The following HYAL3 variants were observed in gnomAD, a reference collection of about 807,000 sequenced individuals.
The protein encoded by HYAL3 is hyaluronidase-3.
In HYAL3, 25 loss-of-function variants were observed where a neutral mutation model predicts 29.6. The observed-to-expected ratio is 0.85, with a 90% CI of 0.62 to 1.18. The LOEUF (loss-of-function observed/expected upper bound fraction) is 1.18. Among genes scored for constraint, HYAL3 ranks in the 50% most tolerant of loss-of-function variants. The pLI is 0.00. For synonymous variants in HYAL3, 215 were observed against 218.3 expected, an observed-to-expected ratio of 0.99 and a Z score of 0.13; for missense variants, 442 against 548.4, an observed-to-expected ratio of 0.81 and a Z score of 1.94.
At chr3:50,296,249 T>C (rs1701834555) in intron 1 of HYAL3, among the ~76,000 whole-genome samples, 1 of 152,194 alleles carries the variant, frequency 6.6e-6, no homozygotes, top group African/African-American at 2.4e-5. Context: ...CCCTGTCTCC[T>C]GAGCCAGGTG....
chr3:50,295,192 C>G lies in HYAL3; in HGVS notation c.411G>C (p.Gly137=), dbSNP rs1159170681. 6.2e-7 allele frequency: 1 copy of G among 1,613,416 alleles called. No individual in the cohort carries two copies. Among genetic ancestry groups the G allele is most frequent in the East Asian group, 2.2e-5 (1 of 44,884 alleles). Residue 137 remains glycine, a synonymous_variant, in exon 2 of 4, where the codon GGG becomes GGC. Coordinates refer to ENST00000336307, the MANE Select transcript of HYAL3 (RefSeq NM_003549.4). ...GATAAGCTCGGCGGCGGCCCCAGTT[C>G]CCAGCCCAGAGTGGACACCACTCCT... ...DWEEWCPLWA[G]NWGRRRAYQA...
At position 50,297,258 on chromosome 3, in the gene HYAL3, G is replaced by A. The variant is rs1258733951; in HGVS notation, c.-17-1639C>T. ...GTCAGCACAAGCATCCAGGAGCTCGGGTCGGCGGTGCACAGGCTCCAGGGT... is the reference window on the plus strand; with the variant it reads ...GTCAGCACAAGCATCCAGGAGCTCGAGTCGGCGGTGCACAGGCTCCAGGGT... On this transcript the variant is annotated intron_variant, in intron 1 of 3. Transcript: ENST00000336307. The surrounding 1 kb of genome is among the most constrained non-coding windows in gnomAD (Gnocchi z 4.3). The A allele has an allele frequency of 1.3e-5, 21 of 1,610,082 alleles. No individual in the cohort carries two copies. Among genetic ancestry groups the A allele is most frequent in the Middle Eastern group, 1.6e-4 (1 of 6,062 alleles).
chr3:50,295,687 A>G (rs1433938315), intron 1 of HYAL3, 68 bp from the exon 2 acceptor site: 3 of 1,316,424 alleles, frequency 2.3e-6, no homozygotes, highest in African/African-American at 1.5e-5. Context: ...ATGGCAGGGA[A>G]AGCCAGGAAA....
chr3:50,296,957 G>A, intron 1 of HYAL3: 1 of 1,601,880 alleles, frequency 6.2e-7, no homozygotes. Flanking sequence ...GCAGCTTGCG[G>A]AAGCCCCGGG....
At chr3:50,296,948 C>T (rs1240771526) in intron 1 of HYAL3, 4 of 1,604,846 alleles carry the variant, frequency 2.5e-6, no homozygotes, top group Non-Finnish European at 3.4e-6. Flanking sequence ...TGGTGAGATG[C>T]AGCTTGCGGA....
chr3:50,299,206 T>A lies in HYAL3; in HGVS notation c.-18+7A>T. ...CAGGCAGCAAATGGGAAGGGTGCGG[T>A]ACTGACATGTTGATGCTGGCCTCTG... On this transcript the variant is annotated splice_region_variant and intron_variant, in intron 1 of 3. Coordinates refer to ENST00000336307, the MANE Select transcript of HYAL3 (RefSeq NM_003549.4). 1 of 1,614,132 alleles carries A rather than the reference T, an allele frequency of 6.2e-7. No homozygotes were observed. The highest frequency in any genetic ancestry group is 1.3e-5 in the African/African-American group (1 of 75,050).
Position 50,297,146 on chromosome 3 carries a change from C to T in HYAL3, c.-17-1527G>A. 1 of 1,593,262 alleles carries T rather than the reference C, an allele frequency of 6.3e-7. No homozygotes were observed. The highest frequency in any genetic ancestry group is 8.6e-7 in the Non-Finnish European group (1 of 1,168,898). On this transcript the variant is annotated intron_variant, in intron 1 of 3. Transcript: ENST00000336307. The surrounding 1 kb of genome is among the most constrained non-coding windows in gnomAD (Gnocchi z 4.3). ...CAAGTGTGGGGTGGGGGCTTAGCAG[C>T]ATCAGGCAGAGGGGGAAGGCATCTG...
In HYAL3 at chr3:50,297,060, C is replaced by T. The variant is rs782211087; in HGVS notation, c.-17-1441G>A. On this transcript the variant is annotated intron_variant, in intron 1 of 3. Transcript: ENST00000336307. The surrounding 1 kb of genome is among the most constrained non-coding windows in gnomAD (Gnocchi z 4.3). ...CACCACCACTGTCTCCACTAAGAGG[C>T]TCTGGGGCTGGTTCAGCACCCGTGA... 5 of 1,535,474 alleles carry T rather than the reference C, an allele frequency of 3.3e-6. No individual in the cohort carries two copies. The African/African-American group carries it at 4.2e-5, about 13-fold the overall frequency.
chr3:50,298,624 C>CGTCCGGCA (rs1211315751), intron 1 of HYAL3, among the ~76,000 whole-genome samples: 1 of 151,920 alleles, frequency 6.6e-6, no homozygotes, highest in Non-Finnish European at 1.5e-5. Context: ...AAGGTCCTGC[C>CGTCCGGCA]GTCCGGCAGG....
rs190545325 is a variant in HYAL3 at position 50,298,703 on chromosome 3, G to A, written c.-18+510C>T. 6 of 971,814 alleles carry A rather than the reference G, an allele frequency of 6.2e-6. No individual in the cohort carries two copies. The Admixed American group carries it at 2.2e-4, about 36-fold the overall frequency. 60.2% of individuals were successfully genotyped at this position (971,814 alleles called of 1,614,324 possible). A position where few individuals can be genotyped will look rare whatever the true frequency, so the allele number is the denominator to read the frequency against. On this transcript the variant is annotated intron_variant, in intron 1 of 3. Transcript: ENST00000336307. ...CCTCCTTCTACTCACCTGCTCCAGA[G>A]GGGGCCTCCTGGCTCCCCTTACCTC...
In HYAL3 at chr3:50,297,512, C is replaced by T. The variant is rs782615056; in HGVS notation, c.-18+1701G>A. On this transcript the variant is annotated intron_variant, in intron 1 of 3. Coordinates refer to ENST00000336307, the MANE Select transcript of HYAL3 (RefSeq NM_003549.4). The surrounding 1 kb of genome is among the most constrained non-coding windows in gnomAD (Gnocchi z 4.3). The stretch of plus-strand genomic sequence containing the variant: ...GGGTCAGCTTGGCTGGGCCAGGGCT[C>T]AGAGTCAGCTCTTGCCTATGCACAG... The T allele has an allele frequency of 6.5e-7, 1 of 1,541,726 alleles. No individual in the cohort carries two copies. The highest frequency in any genetic ancestry group is 8.8e-7 in the Non-Finnish European group (1 of 1,140,804).
rs1341266721 is a variant in HYAL3 at position 50,299,375 on chromosome 3, G to A, written c.-180C>T. 5 of 1,492,988 alleles carry A rather than the reference G, an allele frequency of 3.3e-6. No homozygotes were observed. Among genetic ancestry groups the A allele is most frequent in the African/African-American group, 2.8e-5 (2 of 71,942 alleles). The allele number at this position is 1,492,988 out of a possible 1,614,324, so 92.5% of individuals were successfully genotyped here. On this transcript the variant is annotated 5_prime_UTR_variant, in exon 1 of 4. Transcript: ENST00000336307. ...CCTGCGGCACGCCACGGCGTTCTAA[G>A]GCCTCCCAGCACCCGCGCGTCGCCG...
At position 50,294,877 on chromosome 3, in the gene HYAL3, G is replaced by A; in HGVS notation, c.726C>T (p.Phe242=). The A allele has an allele frequency of 6.4e-7, 1 of 1,556,724 alleles. No homozygotes were observed. The change falls in exon 2 of 4, where the codon TTC becomes TTT. Residue 242 remains phenylalanine, a synonymous_variant. Coordinates refer to ENST00000336307, the MANE Select transcript of HYAL3 (RefSeq NM_003549.4). ...HWLWAASSAL[F]PSIYLPPRLP... is the part of the protein sequence containing the mutation. Reference sequence around the variant, plus strand: ...GCCTGGGTGGGAGGTAGATGCTGGGGAAGAGGGCACTGGAGGCGGCCCAGA... The same window carrying A: ...GCCTGGGTGGGAGGTAGATGCTGGGAAAGAGGGCACTGGAGGCGGCCCAGA...
rs1019047090 is a variant in HYAL3, at chr3:50,298,741, G to A, written c.-18+472C>T. 1.8e-5 allele frequency: 18 copies of A among 1,015,936 alleles called. No individual in the cohort carries two copies. In the South Asian group the frequency reaches 1.8e-4, roughly 10 times the overall value. 62.9% of individuals were successfully genotyped at this position (1,015,936 alleles called of 1,614,324 possible). A position where few individuals can be genotyped will look rare whatever the true frequency, so the allele number is the denominator to read the frequency against. Reference sequence around the variant, plus strand: ...CTCCCCTTACCTCTCCTGAGCTTGAGGCCAATTAAACACTGGTCAGTAACA... The same window carrying A: ...CTCCCCTTACCTCTCCTGAGCTTGAAGCCAATTAAACACTGGTCAGTAACA... On this transcript the variant is annotated intron_variant, in intron 1 of 3. Transcript: ENST00000336307.
Position 50,297,556 on chromosome 3 carries a change from T to C in HYAL3, c.-18+1657A>G, listed in dbSNP as rs1027183792. ...TGCACAGGATCCAGGTTCAGCTGAGTCAGGCTGGGAGCCAAGGTCACCTGC... is the reference window on the plus strand; with the variant it reads ...TGCACAGGATCCAGGTTCAGCTGAGCCAGGCTGGGAGCCAAGGTCACCTGC... On this transcript the variant is annotated intron_variant, in intron 1 of 3. Coordinates refer to ENST00000336307, the MANE Select transcript of HYAL3 (RefSeq NM_003549.4). The surrounding 1 kb of genome is among the most constrained non-coding windows in gnomAD (Gnocchi z 4.3). 2.7e-6 allele frequency: 4 copies of C among 1,502,154 alleles called. No homozygotes were observed. The African/African-American group carries it at 5.6e-5, about 21-fold the overall frequency. 93.1% of individuals were successfully genotyped at this position (1,502,154 alleles called of 1,614,324 possible). A position where few individuals can be genotyped will look rare whatever the true frequency, so the allele number is the denominator to read the frequency against.
Position 50,295,293 on chromosome 3 carries a change from GGC to G in HYAL3, c.308_309del (p.Arg103ProfsTer56), listed in dbSNP as rs1701800686. The G allele has an allele frequency of 6.2e-7, 1 of 1,614,010 alleles. No individual in the cohort carries two copies. The highest frequency in any genetic ancestry group is 1.3e-5 in the African/African-American group (1 of 74,956). On this transcript the variant is annotated frameshift_variant, in exon 2 of 4. Transcript: ENST00000336307. LOFTEE classifies it high-confidence loss of function. Reference protein sequence around the residue: ...GGIPQALPLDRHLALAAYQIH... With the variant: ...GGIPQALPLDXHLALAAYQIH... ...ATCTGGTAGGCAGCCAGTGCCAGGT[GGC>G]GGTCAAGGGGCAAAGCCTGGGGGAT... is the stretch of plus-strand genomic sequence containing the variant.
chr3:50,297,539 A>G lies in HYAL3; in HGVS notation c.-18+1674T>C, dbSNP rs782284362. On this transcript the variant is annotated intron_variant, in intron 1 of 3. Transcript: ENST00000336307. The surrounding 1 kb of genome is among the most constrained non-coding windows in gnomAD (Gnocchi z 4.3). ...GAGTCAGCTCTTGCCTATGCACAGG[A>G]TCCAGGTTCAGCTGAGTCAGGCTGG... is the stretch of plus-strand genomic sequence containing the variant. 1.3e-6 allele frequency: 2 copies of G among 1,509,058 alleles called. No homozygotes were observed. The highest frequency in any genetic ancestry group is 1.8e-6 in the Non-Finnish European group (2 of 1,126,656). The allele number at this position is 1,509,058 out of a possible 1,614,324, so 93.5% of individuals were successfully genotyped here.
intron 1 of HYAL3, chr3:50,296,722 G>C: frequency 6.2e-7 from 1 of 1,612,956 alleles, no homozygotes; most frequent in African/African-American, 1.3e-5. Flanking sequence ...AGGCACTCAG[G>C]TAGGGGAGGG....
rs1306830719 is a variant in HYAL3 at position 50,294,918 on chromosome 3, T to G, written c.685A>C (p.Thr229Pro). 1 of 1,594,222 alleles carries G rather than the reference T, an allele frequency of 6.3e-7. No individual in the cohort carries two copies. Among genetic ancestry groups the G allele is most frequent in the Non-Finnish European group, 8.6e-7 (1 of 1,165,822 alleles). The change falls in exon 2 of 4, where the codon ACT becomes CCT. Residue 229 changes from threonine to proline, a missense_variant. Physicochemically the swap from Thr to Pro is conservative, Grantham distance 38 (BLOSUM62 -1). Transcript: ENST00000336307. ...GCGGCCCAGAGCCAATGCAGTTGAG[T>G]GTTGCGGGCAAGGGTGGCTGCATGG... ...RCHAATLARN[T>P]QLHWLWAASS...
Sources: gnomAD v4.1 joint callset for allele counts (sites outside exome capture counted in the v4.1 genomes callset) on GRCh38, gnomAD v4.1.1 for gene constraint, Gnocchi (gnomAD v3.1) non-coding constraint, MANE v1.5 for transcripts, NCBI Gene and HGNC (gene_info 2026-07-23, HGNC 2026-07-21) for gene names.